Variants in MYO16 observed in about 807,000 individuals in gnomAD.
The protein encoded by MYO16 is myosin XVI.
MYO16 carries 94 observed loss-of-function variants against 205.3 expected under a neutral mutation model. The observed-to-expected ratio is 0.46, with a 90% CI of 0.39 to 0.54. The LOEUF (loss-of-function observed/expected upper bound fraction) is 0.54, where lower values mean the gene tolerates loss of function less well. Among genes scored for constraint, MYO16 ranks in the 20% least tolerant of loss-of-function variants. The pLI is 0.00. For synonymous variants in MYO16, 988 were observed against 954.0 expected, an observed-to-expected ratio of 1.04 and a Z score of -0.66; for missense variants, 2,315 against 2,387.5, an observed-to-expected ratio of 0.97 and a Z score of 0.63.
At chr13:108,666,990 G>T (rs970366019) in intron 2 of MYO16, among the ~76,000 whole-genome samples, 8 of 152,140 alleles carry the variant, frequency 5.3e-5, no homozygotes, top group Non-Finnish European at 1.2e-4. Flanking sequence ...GTATTTGGAT[G>T]AATCTAAAAT....
Position 109,140,198 on chromosome 13 carries a change from C to G in MYO16, c.4052-66C>G. The G allele has an allele frequency of 1.3e-6, 2 of 1,572,450 alleles. No individual in the cohort carries two copies. Among genetic ancestry groups the G allele is most frequent in the East Asian group, 2.3e-5 (1 of 43,194 alleles). On this transcript the variant is annotated intron_variant, in intron 31 of 34. Coordinates refer to ENST00000457511, the MANE Select transcript of MYO16 (RefSeq NM_001198950.3). This position sits in a 1 kb window ranked among gnomAD's most constrained non-coding sequence, Gnocchi z 8.0. Reference sequence around the variant, plus strand: ...GGCCGTGGCTCCCTCCGAGTCGAGCCCCGGGCTTGGTGGGCACCCGTGGGC... The same window carrying G: ...GGCCGTGGCTCCCTCCGAGTCGAGCGCCGGGCTTGGTGGGCACCCGTGGGC...
chr13:108,783,021 C>T (rs1311892036), intron 4 of MYO16, among the ~76,000 whole-genome samples: 5 of 152,160 alleles, frequency 3.3e-5, no homozygotes, highest in African/African-American at 7.2e-5. Flanking sequence ...AGAGTCTCTA[C>T]TGGGCCACTG....
the MYO16 span, among the ~76,000 whole-genome samples, chr13:108,501,071 C>A: frequency 6.6e-6 from 1 of 152,182 alleles, no homozygotes; most frequent in Non-Finnish European, 1.5e-5. Context: ...AAATCCAGAT[C>A]ATCTTCCCCC....
At chr13:108,975,552 A>G (rs1025841269) in intron 20 of MYO16, among the ~76,000 whole-genome samples, 3 of 152,182 alleles carry the variant, frequency 2.0e-5, no homozygotes, top group African/African-American at 7.2e-5. Flanking sequence ...CATCAGGAGC[A>G]TCTCAGGTAT....
chr13:108,926,053 C>T (rs560633456), intron 16 of MYO16, among the ~76,000 whole-genome samples: 3 of 152,314 alleles, frequency 2.0e-5, no homozygotes, highest in South Asian at 2.1e-4. Context: ...GACTCAGAGC[C>T]GCGTGCTCCA....
At chr13:108,806,997 T>C (rs1475586803) in intron 7 of MYO16, among the ~76,000 whole-genome samples, 193 bp downstream of exon 7, 3 of 152,228 alleles carry the variant, frequency 2.0e-5, no homozygotes, top group Non-Finnish European at 4.4e-5. Context: ...GTTCCTTATG[T>C]ATCTGAATAT....
Position 109,140,266 on chromosome 13 carries a change from C to A in MYO16, c.4054C>A (p.Leu1352Met). 1 of 1,599,076 alleles carries A rather than the reference C, an allele frequency of 6.3e-7. No individual in the cohort carries two copies. Among genetic ancestry groups the A allele is most frequent in the South Asian group, 1.1e-5 (1 of 91,066 alleles). ...SAAREAANEA[L>M]ARPRPHSDDY... ...GACCGCGTCCTTTCCTGCCGCAGCT[C>A]TGGCCCGGCCCAGACCGCACAGCGA... Residue 1352 changes from leucine (L) to methionine (M), a missense_variant and splice_region_variant, in exon 32 of 35, where the codon CTG becomes ATG. By Grantham distance (15) the Leu-to-Met change is conservative (BLOSUM62 2). This residue lies in a region of MYO16 where 1,097 missense variants were observed against 1,092.0 expected (regional missense o/e 1.00). Transcript: ENST00000457511. The surrounding 1 kb of genome is among the most constrained non-coding windows in gnomAD (Gnocchi z 8.0).
chr13:108,696,360 C>G (rs1883089414), intron 2 of MYO16, among the ~76,000 whole-genome samples: 1 of 152,088 alleles, frequency 6.6e-6, no homozygotes, highest in South Asian at 2.1e-4. Context: ...GAATTGGATG[C>G]ACAAAGTATG....
At chr13:108,686,932 GC>G (rs1882701584) in intron 2 of MYO16, among the ~76,000 whole-genome samples, 1 of 152,166 alleles carries the variant, frequency 6.6e-6, no homozygotes, top group African/African-American at 2.4e-5. Context: ...AACAGCAGCA[GC>G]CCAGGCTTGA....
intron 3 of MYO16, among the ~76,000 whole-genome samples, chr13:108,715,007 G>A (rs7997544): frequency 0.99 from 150,229 of 152,262 alleles, 74,140 homozygotes; most frequent in Middle Eastern, 1. Context: ...CAGCCGGGTC[G>A]TGTCACTTCT....
At chr13:108,897,538 G>C (rs1594378510) in intron 14 of MYO16, among the ~76,000 whole-genome samples, 1 of 152,164 alleles carries the variant, frequency 6.6e-6, no homozygotes, top group East Asian at 1.9e-4. Context: ...GGTTGAAAAA[G>C]AGTATGAGTG....
At chr13:109,129,883 C>T (rs1445348901) in intron 31 of MYO16, among the ~76,000 whole-genome samples, 3 of 151,464 alleles carry the variant, frequency 2.0e-5, no homozygotes, top group Non-Finnish European at 2.9e-5. Context: ...CTTAAAACAC[C>T]ACTGCCCTGG....
At chr13:108,962,298 CTT>C (rs1883619559) in intron 18 of MYO16, 124 bp from the exon 19 acceptor site, 1 of 689,200 alleles carries the variant, frequency 1.5e-6, no homozygotes, top group Non-Finnish European at 2.4e-6. Flanking sequence ...GTGGTAATGA[CTT>C]TTTAAAATAC....
chr13:108,681,947 A>G (rs1882481131), intron 2 of MYO16, among the ~76,000 whole-genome samples: 1 of 152,194 alleles, frequency 6.6e-6, no homozygotes, highest in Admixed American at 6.5e-5. Flanking sequence ...CGTTCCCAGG[A>G]CAGCGGCATC....
chr13:108,807,711 C>A (rs1261017539), intron 7 of MYO16, among the ~76,000 whole-genome samples: 2 of 152,150 alleles, frequency 1.3e-5, no homozygotes, highest in African/African-American at 4.8e-5. Context: ...ACTGTCTCCT[C>A]CACCAGTTCT....
At position 108,752,808 on chromosome 13, in the gene MYO16, A is replaced by ATTTTTT. The variant is rs58645882; in HGVS notation, c.507+25245_507+25250dup. Among the ~76,000 whole-genome samples the ATTTTTT allele has an allele frequency of 5.5e-4, 50 of 90,538 alleles. 1 individual carries two copies. Among genetic ancestry groups the ATTTTTT allele is most frequent in the African/African-American group, 1.8e-3 (45 of 24,444 alleles). The allele number at this position is 90,538 out of a possible 152,430, so 59.4% of individuals were successfully genotyped here. ...AGACACCTGCCACCGTGCCCAGCTA[A>ATTTTTT]TTTTTTTTTTTTTTTTTTTTTTTTT... On this transcript the variant is annotated intron_variant, in intron 4 of 34. Transcript: ENST00000457511.
At chr13:109,023,738 C>CAA (rs1886246142) in intron 23 of MYO16, among the ~76,000 whole-genome samples, 2 of 56,960 alleles carry the variant, frequency 3.5e-5, no homozygotes, top group African/African-American at 5.6e-5. Context: ...TGCATATATA[C>CAA]ATATATACGT....
intron 31 of MYO16, among the ~76,000 whole-genome samples, chr13:109,132,167 G>T (rs933681183): frequency 6.6e-6 from 1 of 152,202 alleles, no homozygotes; most frequent in Non-Finnish European, 1.5e-5. Flanking sequence ...GTGGTGCTGT[G>T]CCTGGCTTGG....
chr13:109,196,706 A>G (rs978887195), intron 34 of MYO16, among the ~76,000 whole-genome samples: 11 of 152,272 alleles, frequency 7.2e-5, no homozygotes, highest in East Asian at 3.9e-4. Context: ...CTTGGCCACA[A>G]ATGTTTGTGG....
Sources: gnomAD v4.1 joint callset for allele counts (sites outside exome capture counted in the v4.1 genomes callset) on GRCh38, gnomAD v4.1.1 for gene constraint, gnomAD v4.1.1 regional missense constraint, Gnocchi (gnomAD v3.1) non-coding constraint, MANE v1.5 for transcripts, NCBI Gene and HGNC (gene_info 2026-07-23, HGNC 2026-07-21) for gene names.